Variants in HEATR5A observed in about 807,000 individuals in gnomAD.
HEATR5A encodes HEAT repeat-containing protein 5A.
In HEATR5A, 178 loss-of-function variants were observed where a neutral mutation model predicts 218.8. That is an observed-to-expected ratio of 0.81 (90% CI 0.72 to 0.92). The LOEUF (loss-of-function observed/expected upper bound fraction) is 0.92, where lower values mean the gene tolerates loss of function less well. Ranked by LOEUF, HEATR5A falls within the 40% of genes least tolerant of loss-of-function variation. The pLI is 0.00. For synonymous variants in HEATR5A, 864 were observed against 871.6 expected (o/e 0.99, Z 0.15); for missense variants, 2,420 against 2,418.9 (o/e 1.00, Z -0.01).
At chr14:31,317,747 G>A (rs79462821) in intron 26 of HEATR5A, among the ~76,000 whole-genome samples, 3,856 of 152,188 alleles carry the variant, frequency 0.025, 183 homozygotes, top group Admixed American at 0.11. Context: ...TTATTGTATC[G>A]TATAGACAAA....
chr14:31,343,647 T>C (rs1355938317), intron 21 of HEATR5A, among the ~76,000 whole-genome samples: 4 of 152,200 alleles, frequency 2.6e-5, no homozygotes, highest in Non-Finnish European at 5.9e-5. Flanking sequence ...TATGTTTTCA[T>C]TGATTTATGA....
chr14:31,291,898 A>G lies in HEATR5A; in HGVS notation c.*1407T>C, dbSNP rs1266084351. 2 of 152,240 alleles carry G rather than the reference A, an allele frequency of 1.3e-5. No individual in the cohort carries two copies. Among genetic ancestry groups the G allele is most frequent in the African/African-American group, 4.8e-5 (2 of 41,470 alleles). The allele number at this position is 152,240 out of a possible 1,614,324, so 9.4% of individuals were successfully genotyped here. On this transcript the variant is annotated 3_prime_UTR_variant, in exon 36 of 36. Coordinates refer to ENST00000543095, the MANE Select transcript of HEATR5A (RefSeq NM_015473.4). ...TTTACAATAGTATTTATATACAAAC[A>G]TAATAAAATAGGTACATCACATTGT...
In HEATR5A at chr14:31,309,113, A is replaced by T; in HGVS notation, c.4511T>A (p.Ile1504Asn). 1 of 1,613,994 alleles carries T rather than the reference A, an allele frequency of 6.2e-7. No homozygotes were observed. The highest frequency in any genetic ancestry group is 8.5e-7 in the Non-Finnish European group (1 of 1,179,876). ...KLHYYNSWAL[I>N]LHATALWLTS... ...AAGCCACAATGCTGTAGCATGGAGGATAAGTGCCCAGGAGTTGTAATAATG... is the reference window on the plus strand; with the variant it reads ...AAGCCACAATGCTGTAGCATGGAGGTTAAGTGCCCAGGAGTTGTAATAATG... Residue 1504 changes from isoleucine to asparagine, a missense_variant, in exon 29 of 36, where the codon ATC becomes AAC. Transcript: ENST00000543095.
Position 31,293,523 on chromosome 14 carries a change from T to A in HEATR5A, c.5923A>T (p.Asn1975Tyr), listed in dbSNP as rs936015817. 9.9e-6 allele frequency: 16 copies of A among 1,613,938 alleles called. No homozygotes were observed. The highest frequency in any genetic ancestry group is 1.3e-5 in the Non-Finnish European group (15 of 1,179,840). The stretch of plus-strand genomic sequence containing the variant: ...TTTTGTAGAGCAAAGTCATGTAAAT[T>A]TCTCATTATGGAAGTTGCTGATCCC... Reference protein sequence around the residue: ...SLGSATSIMRNLHDFALQNLM... With the variant: ...SLGSATSIMRYLHDFALQNLM... Residue 1975 changes from asparagine to tyrosine, a missense_variant, in exon 36 of 36, where the codon AAT becomes TAT. Physicochemically the swap from Asn to Tyr is moderately radical, Grantham distance 143 (BLOSUM62 -2). Transcript: ENST00000543095.
intron 21 of HEATR5A, among the ~76,000 whole-genome samples, chr14:31,338,512 A>C (rs1289689059): frequency 2.5e-4 from 38 of 152,182 alleles, no homozygotes; most frequent in Admixed American, 2.5e-3. Context: ...TAAGACTGGT[A>C]ATATACTTCA....
chr14:31,327,286 C>CTTTTTTT lies in HEATR5A; in HGVS notation c.3368-951_3368-945dup, dbSNP rs71951930. 2.9e-3 allele frequency among the ~76,000 whole-genome samples: 129 copies of CTTTTTTT among 45,172 alleles called. 2 individuals are homozygous for CTTTTTTT. The highest frequency in any genetic ancestry group is 0.011 in the East Asian group (15 of 1,408). 29.6% of individuals were successfully genotyped at this position (45,172 alleles called of 152,430 possible). A position where few individuals can be genotyped will look rare whatever the true frequency, so the allele number is the denominator to read the frequency against. ...CCACAGTGCCCAGCCTCCAGTGGCA[C>CTTTTTTT]TTTTTTTTTTTTTTTTTTTTTTTTT... On this transcript the variant is annotated intron_variant, in intron 22 of 35. Coordinates refer to ENST00000543095, the MANE Select transcript of HEATR5A (RefSeq NM_015473.4).
chr14:31,318,753 C>G (rs150728426), intron 25 of HEATR5A, among the ~76,000 whole-genome samples: 105 of 152,334 alleles, frequency 6.9e-4, no homozygotes, highest in African/African-American at 2.4e-3. Flanking sequence ...TCCCAAAGTG[C>G]TGGGATTACA....
chr14:31,400,862 T>C (rs1420529119), intron 2 of HEATR5A, among the ~76,000 whole-genome samples: 4 of 149,846 alleles, frequency 2.7e-5, no homozygotes, highest in South Asian at 4.2e-4. Flanking sequence ...TTTTTTGAGA[T>C]GGAGTCTCGC....
chr14:31,337,453 A>T, intron 22 of HEATR5A, 23 bp downstream of exon 22: 1 of 1,539,558 alleles, frequency 6.5e-7, no homozygotes, highest in Middle Eastern at 1.7e-4. Context: ...TGAGCTGGAC[A>T]TAATCTTGAT....
chr14:31,419,806 C>T (rs1440959926), intron 1 of HEATR5A, among the ~76,000 whole-genome samples: 1 of 152,182 alleles, frequency 6.6e-6, no homozygotes, highest in Non-Finnish European at 1.5e-5. Flanking sequence ...CCGCGTTGGC[C>T]GAGAGTAGGG....
chr14:31,401,821 T>C (rs895072445), intron 2 of HEATR5A, among the ~76,000 whole-genome samples: 1 of 152,226 alleles, frequency 6.6e-6, no homozygotes, highest in African/African-American at 2.4e-5. Context: ...TCAGGTCTAT[T>C]CCTAAGTGTA....
chr14:31,352,420 T>C (rs969450365), intron 16 of HEATR5A, among the ~76,000 whole-genome samples: 1 of 152,220 alleles, frequency 6.6e-6, no homozygotes, highest in African/African-American at 2.4e-5. Context: ...TACTTTCATC[T>C]GACCTTCATG....
intron 28 of HEATR5A, among the ~76,000 whole-genome samples, chr14:31,309,624 A>G (rs1021598009): frequency 2.7e-5 from 4 of 145,934 alleles, no homozygotes; most frequent in African/African-American, 1.1e-4. Context: ...TTAAAACAAA[A>G]TATGTGTATA....
intron 28 of HEATR5A, 106 bp from the exon 29 acceptor site, chr14:31,309,288 G>C: frequency 7.7e-7 from 1 of 1,290,332 alleles, no homozygotes. Flanking sequence ...AAGTTCCCTT[G>C]TACCCTTTTT....
intron 34 of HEATR5A, 122 bp from the exon 35 acceptor site, chr14:31,294,226 T>C (rs1311263571): frequency 1.4e-6 from 1 of 696,262 alleles, no homozygotes; most frequent in Non-Finnish European, 2.4e-6. Flanking sequence ...GTGTTTAATT[T>C]TGAAAGTCCA....
At chr14:31,348,066 A>T (rs1288781997) in intron 18 of HEATR5A, among the ~76,000 whole-genome samples, 159 bp from the exon 19 acceptor site, 1 of 152,238 alleles carries the variant, frequency 6.6e-6, no homozygotes, top group Admixed American at 6.5e-5. Context: ...TTCTGAAGTA[A>T]CCGAAAGGCA....
At chr14:31,388,114 T>C (rs931094696) in intron 7 of HEATR5A, among the ~76,000 whole-genome samples, 1 of 152,220 alleles carries the variant, frequency 6.6e-6, no homozygotes, top group African/African-American at 2.4e-5. Context: ...TTTTCATGAA[T>C]ATTAATGGTT....
chr14:31,412,935 C>T (rs1352143709), intron 1 of HEATR5A, among the ~76,000 whole-genome samples: 5 of 152,142 alleles, frequency 3.3e-5, no homozygotes, highest in Non-Finnish European at 2.9e-5. Context: ...CCTTTACAAA[C>T]TAAAAATGCT....
chr14:31,389,761 C>A (rs2030374363), intron 6 of HEATR5A, among the ~76,000 whole-genome samples: 1 of 152,112 alleles, frequency 6.6e-6, no homozygotes, highest in African/African-American at 2.4e-5. Flanking sequence ...ACAAAAAAAC[C>A]TCCTCCCTAG....
Sources: gnomAD v4.1 joint callset for allele counts (sites outside exome capture counted in the v4.1 genomes callset) on GRCh38, gnomAD v4.1.1 for gene constraint, MANE v1.5 for transcripts, NCBI Gene and HGNC (gene_info 2026-07-23, HGNC 2026-07-21) for gene names.